Variants in GRM5 observed in about 807,000 individuals in gnomAD.
The protein encoded by GRM5 is metabotropic glutamate receptor 5.
A neutral mutation model predicts 83.1 loss-of-function variants in GRM5; 19 were observed. The ratio of observed to expected loss-of-function variants is 0.23; its 90% CI spans 0.16 to 0.34. The LOEUF (loss-of-function observed/expected upper bound fraction) is 0.34. Ranked by LOEUF, GRM5 falls within the 10% of genes least tolerant of loss-of-function variation. The pLI is 1.00. For missense variants in GRM5, 1,160 were observed against 1,588.3 expected (o/e 0.73, Z 4.58); for synonymous variants, 675 against 633.6 (o/e 1.07, Z -0.98).
In GRM5 at chr11:88,590,730, A is replaced by T; in HGVS notation, c.1564-3T>A. The T allele has an allele frequency of 6.2e-6, 10 of 1,607,636 alleles. No homozygotes were observed. Among genetic ancestry groups the T allele is most frequent in the Non-Finnish European group, 7.7e-6 (9 of 1,175,870 alleles). Reference sequence around the variant, plus strand: ...CTGACTTCTCCCTTTCGGATCACCTAAGGCAAATATTTGAAATTTAGATTT... The same window carrying T: ...CTGACTTCTCCCTTTCGGATCACCTTAGGCAAATATTTGAAATTTAGATTT... On this transcript the variant is annotated splice_region_variant and splice_polypyrimidine_tract_variant and intron_variant, in intron 6 of 9. Transcript: ENST00000305447.
intron 2 of GRM5, among the ~76,000 whole-genome samples, chr11:89,004,542 G>T (rs1940473488): frequency 6.6e-6 from 1 of 152,128 alleles, no homozygotes; most frequent in Admixed American, 6.6e-5. Flanking sequence ...TATAAGGAAA[G>T]CTTATGGAAT....
chr11:88,969,794 G>A (rs998635167), intron 2 of GRM5, among the ~76,000 whole-genome samples: 24 of 151,942 alleles, frequency 1.6e-4, no homozygotes, highest in African/African-American at 3.6e-4. Flanking sequence ...GCTAAATTTC[G>A]TGCACAGAAA....
chr11:88,524,214 C>CTTTCTTTCTTT (rs1555060035), intron 9 of GRM5, among the ~76,000 whole-genome samples: 1 of 101,408 alleles, frequency 9.9e-6, no homozygotes, highest in African/African-American at 4.5e-5. Flanking sequence ...TTCTTTCTTT[C>CTTTCTTTCTTT]TTTTTTTTTT....
chr11:88,760,410 A>G (rs1942487829), intron 3 of GRM5, among the ~76,000 whole-genome samples: 1 of 152,134 alleles, frequency 6.6e-6, no homozygotes, highest in Admixed American at 6.6e-5. Context: ...ACAAGTAACC[A>G]CCAGAAAATA....
At chr11:88,708,356 G>C (rs1220812146) in intron 3 of GRM5, among the ~76,000 whole-genome samples, 1 of 152,094 alleles carries the variant, frequency 6.6e-6, no homozygotes, top group East Asian at 1.9e-4. Flanking sequence ...ATGAGATTCA[G>C]TGGTATTTAG....
At chr11:88,612,705 T>G (rs1467771865) in intron 4 of GRM5, 1 of 152,104 alleles carries the variant, frequency 6.6e-6, no homozygotes, top group Non-Finnish European at 1.5e-5. Flanking sequence ...GATTTGCATT[T>G]CTCTGATGGC....
intron 3 of GRM5, among the ~76,000 whole-genome samples, chr11:88,828,019 G>A (rs1437762741): frequency 1.3e-5 from 2 of 152,140 alleles, no homozygotes; most frequent in Non-Finnish European, 2.9e-5. Flanking sequence ...AAGATTTTAC[G>A]TGACAAATCT....
At chr11:88,628,355 T>A (rs896640686) in intron 4 of GRM5, among the ~76,000 whole-genome samples, 1 of 152,218 alleles carries the variant, frequency 6.6e-6, no homozygotes, top group Non-Finnish European at 1.5e-5. Flanking sequence ...GAATCTTGCT[T>A]AATGGATGTA....
At chr11:88,850,998 T>C (rs7939942) in intron 2 of GRM5, among the ~76,000 whole-genome samples, 43,396 of 151,910 alleles carry the variant, frequency 0.29, 7,027 homozygotes, top group Non-Finnish European at 0.37. Context: ...ATTCAATACA[T>C]AGATCAGAAA....
At chr11:89,058,484 A>G (rs1591085061) in intron 1 of GRM5, among the ~76,000 whole-genome samples, 2 of 152,286 alleles carry the variant, frequency 1.3e-5, no homozygotes, top group Non-Finnish European at 2.9e-5. Context: ...ATGAAAGTTA[A>G]TCCTGGCAAG....
intron 3 of GRM5, among the ~76,000 whole-genome samples, chr11:88,771,518 A>G (rs1942736714): frequency 6.6e-6 from 1 of 152,076 alleles, no homozygotes; most frequent in South Asian, 2.1e-4. Flanking sequence ...GCATGGGAGA[A>G]AGATGAAAGC....
chr11:88,622,428 A>G (rs1185293372), intron 4 of GRM5, among the ~76,000 whole-genome samples: 2 of 152,250 alleles, frequency 1.3e-5, no homozygotes, highest in African/African-American at 4.8e-5. Context: ...CTAAATTATT[A>G]TCATGTTTAG....
At chr11:88,599,732 G>A (rs1210686289) in intron 5 of GRM5, among the ~76,000 whole-genome samples, 2 of 152,116 alleles carry the variant, frequency 1.3e-5, no homozygotes, top group Admixed American at 6.5e-5. Flanking sequence ...AATAACAGAA[G>A]GTCAGGCACG....
intron 3 of GRM5, among the ~76,000 whole-genome samples, chr11:88,798,805 C>CAAAAAAAAAAAAAAAAACAAA (rs1943330755): frequency 1.8e-5 from 1 of 55,398 alleles, no homozygotes; most frequent in Non-Finnish European, 3.2e-5. Context: ...ATGAAAACAC[C>CAAAAAAAAAAAAAAAAACAAA]AAAAAAAAAA....
chr11:88,877,633 C>A (rs533944133), intron 2 of GRM5, among the ~76,000 whole-genome samples: 2 of 151,852 alleles, frequency 1.3e-5, no homozygotes, highest in Admixed American at 6.6e-5. Context: ...CCAGCCTGGG[C>A]AACATGGCAA....
chr11:88,560,132 G>C (rs1565338776), intron 8 of GRM5, among the ~76,000 whole-genome samples: 2 of 152,044 alleles, frequency 1.3e-5, no homozygotes, highest in Non-Finnish European at 2.9e-5. Context: ...CTAGCTAAGG[G>C]TGAAGGAGTC....
chr11:88,520,334 T>G (rs1475994519), intron 9 of GRM5, among the ~76,000 whole-genome samples: 4 of 152,228 alleles, frequency 2.6e-5, no homozygotes, highest in Non-Finnish European at 1.5e-5. Flanking sequence ...AAAAACCAGC[T>G]GGCTTCTATT....
chr11:88,854,046 A>T (rs1020562777), intron 2 of GRM5, among the ~76,000 whole-genome samples: 1 of 108,498 alleles, frequency 9.2e-6, no homozygotes, highest in Non-Finnish European at 2.0e-5. Context: ...TAAATGAATT[A>T]AAAAATGTGG....
At chr11:88,635,354 A>T (rs1939088665) in intron 4 of GRM5, among the ~76,000 whole-genome samples, 1 of 152,138 alleles carries the variant, frequency 6.6e-6, no homozygotes, top group Admixed American at 6.5e-5. Context: ...TCTTTTTGAT[A>T]GTAGCCATTC....
Sources: allele counts gnomAD v4.1 joint callset (sites outside exome capture counted in the v4.1 genomes callset), GRCh38; gene constraint gnomAD v4.1.1; transcripts MANE v1.5; gene names NCBI Gene and HGNC (gene_info 2026-07-23, HGNC 2026-07-21).